Variants in PCDHGA9 observed in about 807,000 individuals in gnomAD.
PCDHGA9 encodes protocadherin gamma-A9.
Under a neutral mutation model 62.5 loss-of-function variants are expected in PCDHGA9, and 37 were observed. The ratio of observed to expected loss-of-function variants is 0.59; its 90% CI spans 0.46 to 0.78. The LOEUF (loss-of-function observed/expected upper bound fraction) is 0.78. Among genes scored for constraint, PCDHGA9 ranks in the 30% least tolerant of loss-of-function variants. The pLI is 0.00. For missense variants in PCDHGA9, 1,138 were observed against 1,166.2 expected (o/e 0.98, Z 0.35); for synonymous variants, 459 against 484.6 (o/e 0.95, Z 0.69).
intron 1 of PCDHGA9, among the ~76,000 whole-genome samples, chr5:141,467,039 A>G (rs1467529268): frequency 2.6e-5 from 4 of 150,960 alleles, no homozygotes; most frequent in Non-Finnish European, 5.9e-5. Context: ...TTTTTTGTGT[A>G]ATGAATCAAT....
At chr5:141,482,943 G>T (rs2099574928) in intron 1 of PCDHGA9, among the ~76,000 whole-genome samples, 1 of 152,086 alleles carries the variant, frequency 6.6e-6, no homozygotes, top group Non-Finnish European at 1.5e-5. Context: ...TGTGGTTGTG[G>T]GTGCCTGTAA....
chr5:141,435,194 C>G (rs538114313), intron 1 of PCDHGA9, among the ~76,000 whole-genome samples: 85 of 152,214 alleles, frequency 5.6e-4, no homozygotes, highest in Middle Eastern at 6.8e-3. Flanking sequence ...AGATGGCTAG[C>G]AAATTCATAA....
chr5:141,486,844 C>T lies in PCDHGA9; in HGVS notation c.2425-7963C>T, dbSNP rs150549306. The T allele has an allele frequency of 1.1e-5, 17 of 1,614,220 alleles. No homozygotes were observed. The highest frequency in any genetic ancestry group is 1.4e-5 in the Non-Finnish European group (16 of 1,180,026). ...TAACAGTTCGTCTATTTGTGCTGGACCTCAATGACAATGCTCCAGCTGTGC... is the reference window on the plus strand; with the variant it reads ...TAACAGTTCGTCTATTTGTGCTGGATCTCAATGACAATGCTCCAGCTGTGC... On this transcript the variant is annotated intron_variant, in intron 1 of 3. Transcript: ENST00000573521. The surrounding 1 kb of genome is among the most constrained non-coding windows in gnomAD (Gnocchi z 5.0).
chr5:141,458,624 C>G (rs1382508302), intron 1 of PCDHGA9, among the ~76,000 whole-genome samples: 1 of 152,082 alleles, frequency 6.6e-6, no homozygotes, highest in East Asian at 1.9e-4. Context: ...GGCTGGAGTG[C>G]AGTGGCACAA....
Position 141,491,265 on chromosome 5 carries a change from CA to C in PCDHGA9, c.2425-3539del. ...AGGATGAGGACCCTGAGGAAATGCC[CA>C]AATCCAGTGACTTCCTCATACACCC... On this transcript the variant is annotated intron_variant, in intron 1 of 3. Coordinates refer to ENST00000573521, the MANE Select transcript of PCDHGA9 (RefSeq NM_018921.3). This position sits in a 1 kb window ranked among gnomAD's most constrained non-coding sequence, Gnocchi z 6.9. 1 of 1,614,074 alleles carries C rather than the reference CA, an allele frequency of 6.2e-7. No individual in the cohort carries two copies.
In PCDHGA9 at chr5:141,414,129, C is replaced by A. The variant is rs1487550233; in HGVS notation, c.2424+8753C>A. The A allele has an allele frequency of 1.9e-6, 3 of 1,594,152 alleles. No homozygotes were observed. In the Admixed American group the frequency reaches 5.3e-5, roughly 28 times the overall value. ...ATCTAGATTATGAAGAAACCGGTTT[C>A]TATGAAATAGAAATACAAGCAGAAG... On this transcript the variant is annotated intron_variant, in intron 1 of 3. Coordinates refer to ENST00000573521, the MANE Select transcript of PCDHGA9 (RefSeq NM_018921.3).
At chr5:141,413,066 A>T in intron 1 of PCDHGA9, 2 of 1,161,944 alleles carry the variant, frequency 1.7e-6, no homozygotes, top group Non-Finnish European at 2.4e-6. Flanking sequence ...TCCAGAATTT[A>T]AAGTGCCCAG....
chr5:141,451,978 T>A (rs1329730658), intron 1 of PCDHGA9, among the ~76,000 whole-genome samples: 1 of 152,188 alleles, frequency 6.6e-6, no homozygotes, highest in Non-Finnish European at 1.5e-5. Flanking sequence ...TTTGCTGTAG[T>A]TTGTTCATTA....
intron 1 of PCDHGA9, among the ~76,000 whole-genome samples, chr5:141,475,035 G>T (rs983190948): frequency 2.0e-5 from 3 of 152,132 alleles, no homozygotes. Context: ...GTGACTAAAG[G>T]CTTTGTATTT....
intron 1 of PCDHGA9, among the ~76,000 whole-genome samples, chr5:141,468,782 C>T (rs1280972843): frequency 2.0e-5 from 3 of 151,990 alleles, no homozygotes; most frequent in East Asian, 3.9e-4. Context: ...AGGAGAATGG[C>T]GTGAACCCGG....
rs941528168 is a variant in PCDHGA9, at chr5:141,476,433, T to C, written c.2425-18374T>C. 2 of 1,614,094 alleles carry C rather than the reference T, an allele frequency of 1.2e-6. No individual in the cohort carries two copies. The highest frequency in any genetic ancestry group is 2.2e-5 in the East Asian group (1 of 44,856). ...TGTGGGACACTGCCCTCTTGCACTGTAACTCTGGAGTTGGTAGTGGAGAAC... is the reference window on the plus strand; with the variant it reads ...TGTGGGACACTGCCCTCTTGCACTGCAACTCTGGAGTTGGTAGTGGAGAAC... On this transcript the variant is annotated intron_variant, in intron 1 of 3. Coordinates refer to ENST00000573521, the MANE Select transcript of PCDHGA9 (RefSeq NM_018921.3). This position sits in a 1 kb window ranked among gnomAD's most constrained non-coding sequence, Gnocchi z 7.6.
intron 2 of PCDHGA9, among the ~76,000 whole-genome samples, chr5:141,495,270 G>C (rs1428903664): frequency 1.3e-5 from 2 of 152,178 alleles, no homozygotes; most frequent in Non-Finnish European, 2.9e-5. Context: ...GCATTTGACC[G>C]GAGGAGGCGG....
At position 141,477,681 on chromosome 5, in the gene PCDHGA9, T is replaced by C; in HGVS notation, c.2425-17126T>C. On this transcript the variant is annotated intron_variant, in intron 1 of 3. Coordinates refer to ENST00000573521, the MANE Select transcript of PCDHGA9 (RefSeq NM_018921.3). The surrounding 1 kb of genome is among the most constrained non-coding windows in gnomAD (Gnocchi z 4.9). The stretch of plus-strand genomic sequence containing the variant: ...CGTGACAATGGCATAGTGTCATCCT[T>C]AGTGCCCCTAGACTATGAGGATCGG... 6.2e-7 allele frequency: 1 copy of C among 1,614,180 alleles called. No individual in the cohort carries two copies. The highest frequency in any genetic ancestry group is 8.5e-7 in the Non-Finnish European group (1 of 1,180,046).
chr5:141,422,158 G>GA (rs1401712595), intron 1 of PCDHGA9: 2 of 1,571,916 alleles, frequency 1.3e-6, no homozygotes, highest in Middle Eastern at 1.7e-4. Flanking sequence ...TCTGGATTTT[G>GA]AAAAATATAG....
At position 141,512,815 on chromosome 5, in the gene PCDHGA9, A is replaced by AC. The variant is rs1215322144; in HGVS notation, c.*1647dup. ...TGTGCTGTGTCCACGCGCTAAGGCG[A>AC]CCCCCTCCCCCGTACTGACTTCTCC... is the stretch of plus-strand genomic sequence containing the variant. On this transcript the variant is annotated 3_prime_UTR_variant, in exon 4 of 4. Coordinates refer to ENST00000573521, the MANE Select transcript of PCDHGA9 (RefSeq NM_018921.3). The AC allele has an allele frequency of 6.7e-6, 1 of 149,682 alleles. No homozygotes were observed. The highest frequency in any genetic ancestry group is 1.5e-5 in the Non-Finnish European group (1 of 67,474). 9.3% of individuals were successfully genotyped at this position (149,682 alleles called of 1,614,324 possible).
In PCDHGA9 at chr5:141,486,936, A is replaced by G; in HGVS notation, c.2425-7871A>G. 2 of 1,614,184 alleles carry G rather than the reference A, an allele frequency of 1.2e-6. No individual in the cohort carries two copies. Among genetic ancestry groups the G allele is most frequent in the Non-Finnish European group, 1.7e-6 (2 of 1,180,030 alleles). On this transcript the variant is annotated intron_variant, in intron 1 of 3. Transcript: ENST00000573521. This position sits in a 1 kb window ranked among gnomAD's most constrained non-coding sequence, Gnocchi z 5.0. ...CTGCCTCCATCAGTTGGTGCTGGCC[A>G]CCTAATCACAAAGGTGACTGCTGTG...
At chr5:141,442,472 C>A (rs1032989256) in intron 1 of PCDHGA9, 4 of 152,204 alleles carry the variant, frequency 2.6e-5, no homozygotes, top group African/African-American at 9.7e-5. Flanking sequence ...GCAGAAAGCC[C>A]CTTGGGGAAG....
rs1188870363 is a variant in PCDHGA9 at position 141,490,058 on chromosome 5, C to T, written c.2425-4749C>T. ...AATGCCACTGATCCAGACGAGGGCA[C>T]CAACGGCCAACTAGACTATTCTTTT... On this transcript the variant is annotated intron_variant, in intron 1 of 3. Coordinates refer to ENST00000573521, the MANE Select transcript of PCDHGA9 (RefSeq NM_018921.3). The surrounding 1 kb of genome is among the most constrained non-coding windows in gnomAD (Gnocchi z 5.4). The T allele has an allele frequency of 6.2e-7, 1 of 1,614,230 alleles. No individual in the cohort carries two copies. Among genetic ancestry groups the T allele is most frequent in the South Asian group, 1.1e-5 (1 of 91,084 alleles).
At chr5:141,439,631 A>G (rs1459977985) in intron 1 of PCDHGA9, among the ~76,000 whole-genome samples, 2 of 152,214 alleles carry the variant, frequency 1.3e-5, no homozygotes, top group African/African-American at 2.4e-5. Context: ...ATCCCCAGAC[A>G]TTCCGGCTTG....
Sources: allele counts gnomAD v4.1 joint callset (sites outside exome capture counted in the v4.1 genomes callset), GRCh38; gene constraint gnomAD v4.1.1; non-coding constraint Gnocchi (gnomAD v3.1); transcripts MANE v1.5; gene names NCBI Gene and HGNC (gene_info 2026-07-23, HGNC 2026-07-21).